KIF26B: variants seen among roughly 807,000 people sequenced by gnomAD.
KIF26B encodes the protein kinesin-like protein KIF26B.
Under a neutral mutation model 151.2 loss-of-function variants are expected in KIF26B, and 63 were observed. That is an observed-to-expected ratio of 0.42 (90% CI 0.34 to 0.51). KIF26B has a LOEUF of 0.51. Ranked by LOEUF, KIF26B falls within the 20% of genes least tolerant of loss-of-function variation. The pLI, the probability that KIF26B is intolerant of heterozygous loss-of-function variation, is 0.07. For synonymous variants in KIF26B, 1,357 were observed against 1,262.1 expected (o/e 1.08, Z -1.59); for missense variants, 2,813 against 2,913.6 (o/e 0.97, Z 0.79).
intron 6 of KIF26B, 76 bp from the exon 7 acceptor site, chr1:245,607,574 TG>T: frequency 1.7e-6 from 2 of 1,175,708 alleles, no homozygotes; most frequent in South Asian, 1.5e-5. Context: ...CCCAGGAAGG[TG>T]GGCTCACTTT....
At chr1:245,644,584 T>C (rs2043926934) in intron 9 of KIF26B, among the ~76,000 whole-genome samples, 1 of 152,232 alleles carries the variant, frequency 6.6e-6, no homozygotes, top group African/African-American at 2.4e-5. Context: ...TTTTTTTGTT[T>C]TGCTTTTAAT....
intron 3 of KIF26B, among the ~76,000 whole-genome samples, chr1:245,415,218 C>A (rs1423429407): frequency 6.6e-6 from 1 of 152,132 alleles, no homozygotes; most frequent in Admixed American, 6.5e-5. Flanking sequence ...CCATTCTTTG[C>A]TTGACATAAA....
intron 2 of KIF26B, among the ~76,000 whole-genome samples, chr1:245,221,373 G>GA (rs1669763598): frequency 1.8e-5 from 1 of 54,906 alleles, no homozygotes; most frequent in African/African-American, 5.2e-5. Context: ...TCTGAAGTTT[G>GA]AAGTAAAAAA....
chr1:245,414,516 T>G (rs983202139), intron 3 of KIF26B, among the ~76,000 whole-genome samples: 2 of 152,086 alleles, frequency 1.3e-5, no homozygotes, highest in African/African-American at 4.8e-5. Flanking sequence ...CCTCTTTCCT[T>G]CAGAAACAGT....
intron 2 of KIF26B, among the ~76,000 whole-genome samples, chr1:245,351,058 G>C (rs1394684594): frequency 6.6e-6 from 1 of 152,162 alleles, no homozygotes; most frequent in Non-Finnish European, 1.5e-5. Context: ...CACAAGACAT[G>C]GATCTTACTG....
At chr1:245,694,387 G>A (rs761754147) in intron 12 of KIF26B, among the ~76,000 whole-genome samples, 2 of 152,240 alleles carry the variant, frequency 1.3e-5, no homozygotes, top group Non-Finnish European at 2.9e-5. Flanking sequence ...TCAGAATGCA[G>A]ACAGTGGGCG....
rs140268034 is a variant in KIF26B at position 245,646,924 on chromosome 1, A to AC, written c.2258+645dup. On this transcript the variant is annotated intron_variant, in intron 10 of 14. Coordinates refer to ENST00000407071, the MANE Select transcript of KIF26B (RefSeq NM_018012.4). ...ACAGCCGCTCCTATGTCTGGCAGAG[A>AC]CAAAGCCACTCCACCACCATCACCC... 6.9e-3 allele frequency among the ~76,000 whole-genome samples: 1,047 copies of AC among 152,212 alleles called. 12 individuals are homozygous for AC. Among genetic ancestry groups the AC allele is most frequent in the Middle Eastern group, 0.02 (6 of 294 alleles).
chr1:245,532,341 G>T (rs2103097598), intron 4 of KIF26B, among the ~76,000 whole-genome samples: 1 of 150,556 alleles, frequency 6.6e-6, no homozygotes, highest in Non-Finnish European at 1.5e-5. Flanking sequence ...TGCCTCCCGG[G>T]TTCACGCCAT....
chr1:245,669,984 AG>A (rs1171227232), intron 10 of KIF26B, among the ~76,000 whole-genome samples: 2 of 152,036 alleles, frequency 1.3e-5, no homozygotes, highest in Non-Finnish European at 2.9e-5. Flanking sequence ...GAGACTCCGA[AG>A]GGGAAAGGAG....
intron 2 of KIF26B, among the ~76,000 whole-genome samples, chr1:245,309,207 T>TTAATGA (rs1328448229): frequency 3.3e-5 from 5 of 152,182 alleles, no homozygotes; most frequent in African/African-American, 1.2e-4. Flanking sequence ...AATAATGCTG[T>TTAATGA]CAATGACGTT....
intron 2 of KIF26B, among the ~76,000 whole-genome samples, chr1:245,343,169 T>C (rs73132962): frequency 0.028 from 4,270 of 152,168 alleles, 207 homozygotes; most frequent in African/African-American, 0.099. Flanking sequence ...CTGTCTTCAC[T>C]ATAAGTTTGT....
At chr1:245,493,451 A>T (rs1660448985) in intron 4 of KIF26B, among the ~76,000 whole-genome samples, 3 of 152,262 alleles carry the variant, frequency 2.0e-5, no homozygotes, top group Admixed American at 2.0e-4. Context: ...CCAAAGAAAA[A>T]TAATTTCTAA....
At chr1:245,321,216 C>T (rs1671881349) in intron 2 of KIF26B, among the ~76,000 whole-genome samples, 1 of 152,156 alleles carries the variant, frequency 6.6e-6, no homozygotes, top group Non-Finnish European at 1.5e-5. Context: ...CACAGTTGTG[C>T]CTTTTCTAGA....
chr1:245,195,605 CTCT>C (rs1313789437), intron 2 of KIF26B, among the ~76,000 whole-genome samples: 1 of 152,196 alleles, frequency 6.6e-6, no homozygotes, highest in Non-Finnish European at 1.5e-5. Context: ...CAACAGCTGG[CTCT>C]TCTTTGCCCC....
In KIF26B at chr1:245,526,854, G is replaced by A. The variant is rs139126769; in HGVS notation, c.1167-13913G>A. Among the ~76,000 whole-genome samples the A allele has an allele frequency of 4.7e-4, 72 of 152,338 alleles. 1 individual carries two copies. The highest frequency in any genetic ancestry group is 1.7e-3 in the African/African-American group (69 of 41,588). On this transcript the variant is annotated intron_variant, in intron 4 of 14. Transcript: ENST00000407071. The stretch of plus-strand genomic sequence containing the variant: ...TTCACACAATTGAAATATGGGAAAA[G>A]TGAAAATAAAGCTCTACTTCTTTTC...
chr1:245,650,045 C>T (rs1189174246), intron 10 of KIF26B, among the ~76,000 whole-genome samples: 1 of 152,178 alleles, frequency 6.6e-6, no homozygotes, highest in Non-Finnish European at 1.5e-5. Context: ...GGCTTGCCGG[C>T]CAGTCCAGGC....
At chr1:245,343,192 T>G (rs1294301834) in intron 2 of KIF26B, among the ~76,000 whole-genome samples, 3 of 152,186 alleles carry the variant, frequency 2.0e-5, no homozygotes, top group Non-Finnish European at 4.4e-5. Flanking sequence ...ATGGTTGAAT[T>G]TGATAAATGA....
chr1:245,219,784 G>A (rs1669727108), intron 2 of KIF26B, among the ~76,000 whole-genome samples: 1 of 152,132 alleles, frequency 6.6e-6, no homozygotes, highest in South Asian at 2.1e-4. Flanking sequence ...CACCAGGTGT[G>A]TCTTCCTGAG....
chr1:245,335,065 TGAG>T (rs1672194145), intron 2 of KIF26B, among the ~76,000 whole-genome samples: 1 of 152,158 alleles, frequency 6.6e-6, no homozygotes, highest in African/African-American at 2.4e-5. Flanking sequence ...CTAAAACCAC[TGAG>T]GCCCAGCACC....
Sources: gnomAD v4.1 joint callset for allele counts (sites outside exome capture counted in the v4.1 genomes callset) on GRCh38, gnomAD v4.1.1 for gene constraint, MANE v1.5 for transcripts, NCBI Gene and HGNC (gene_info 2026-07-23, HGNC 2026-07-21) for gene names.